The following PLEKHA4 variants were observed in gnomAD, a reference collection of about 807,000 sequenced individuals.
PLEKHA4 encodes the protein pleckstrin homology domain-containing family A member 4.
PLEKHA4 carries 73 observed loss-of-function variants against 94.7 expected under a neutral mutation model. The ratio of observed to expected loss-of-function variants is 0.77; its 90% confidence interval spans 0.64 to 0.94. The LOEUF (loss-of-function observed/expected upper bound fraction) is 0.94, where lower values mean the gene tolerates loss of function less well. Ranked by LOEUF, PLEKHA4 falls within the 40% of genes least tolerant of loss-of-function variation. PLEKHA4 has a pLI of 0.00. For missense variants in PLEKHA4, 1,049 were observed against 1,054.1 expected, an observed-to-expected ratio of 1.00 and a Z score of 0.07; for synonymous variants, 449 against 437.1, an observed-to-expected ratio of 1.03 and a Z score of -0.34.
intron 13 of PLEKHA4, among the ~76,000 whole-genome samples, chr19:48,851,173 ATTGT>A (rs2036170786): frequency 6.6e-6 from 1 of 152,092 alleles, no homozygotes; most frequent in South Asian, 2.1e-4. Flanking sequence ...AGTATAATGG[ATTGT>A]TTGTAACACA....
At position 48,838,125 on chromosome 19, in the gene PLEKHA4, T is replaced by C; in HGVS notation, c.1969A>G (p.Arg657Gly). The change falls in exon 19 of 20, where the codon AGG becomes GGG. Residue 657 changes from arginine (R) to glycine (G), a missense_variant. By Grantham distance (125) the Arg-to-Gly change is moderately radical. Transcript: ENST00000263265. ...GTCGGCAAGTAAGGGGTGGTGTTCC[T>C]TGGACTAGAAAAAAAAAGAAGATTG... ...LRSSGSWSSP[R>G]NTTPYLPTSE... 6.2e-7 allele frequency: 1 copy of C among 1,610,084 alleles called. No individual in the cohort carries two copies. The highest frequency in any genetic ancestry group is 1.1e-5 in the South Asian group (1 of 90,928).
intron 13 of PLEKHA4, among the ~76,000 whole-genome samples, chr19:48,850,172 C>T (rs1250219462): frequency 6.6e-6 from 1 of 151,828 alleles, no homozygotes; most frequent in Non-Finnish European, 1.5e-5. Context: ...CACCACTGCA[C>T]TCCAGCCTGG....
chr19:48,866,401 G>C (rs1192908519), intron 2 of PLEKHA4, among the ~76,000 whole-genome samples: 1 of 152,028 alleles, frequency 6.6e-6, no homozygotes, highest in African/African-American at 2.4e-5. Context: ...CTGCCTCTCG[G>C]GTTCAAGTGA....
In PLEKHA4 at chr19:48,837,252, G is replaced by A; in HGVS notation, c.*37C>T. The A allele has an allele frequency of 1.2e-6, 2 of 1,613,846 alleles. No individual in the cohort carries two copies. Among genetic ancestry groups the A allele is most frequent in the African/African-American group, 1.3e-5 (1 of 75,056 alleles). On this transcript the variant is annotated 3_prime_UTR_variant, in exon 20 of 20. Transcript: ENST00000263265. The surrounding 1 kb of genome is among the most constrained non-coding windows in gnomAD (Gnocchi z 4.3). ...ATCTCCGGCGGTACCTCCAGACCAC[G>A]TCCTCGCGCTCCGATTGGCTGCCGC...
chr19:48,867,628 TG>T lies in PLEKHA4; in HGVS notation c.-6-3del. ...AGGTCGGCTCCCCTCCATCAAGGGC[TG>T]GGGGAGAGAAAGAAAGGGGCTGTGT... On this transcript the variant is annotated splice_region_variant and splice_polypyrimidine_tract_variant and intron_variant, in intron 1 of 19. Coordinates refer to ENST00000263265, the MANE Select transcript of PLEKHA4 (RefSeq NM_020904.3). This position sits in a 1 kb window ranked among gnomAD's most constrained non-coding sequence, Gnocchi z 4.7. The T allele has an allele frequency of 3.2e-6, 5 of 1,585,898 alleles. No homozygotes were observed. Among genetic ancestry groups the T allele is most frequent in the Non-Finnish European group, 4.3e-6 (5 of 1,167,894 alleles).
intron 11 of PLEKHA4, 26 bp from the exon 12 acceptor site, chr19:48,853,857 A>G: frequency 6.3e-7 from 1 of 1,591,694 alleles, no homozygotes; most frequent in Non-Finnish European, 8.6e-7. Context: ...AGGTGGTTAG[A>G]CTTCAGAAGC....
chr19:48,867,565 A>G lies in PLEKHA4; in HGVS notation c.56T>C (p.Ile19Thr). The G allele has an allele frequency of 6.2e-7, 1 of 1,602,340 alleles. No individual in the cohort carries two copies. Among genetic ancestry groups the G allele is most frequent in the Non-Finnish European group, 8.5e-7 (1 of 1,176,718 alleles). Residue 19 changes from isoleucine to threonine, a missense_variant, in exon 2 of 20, where the codon ATC becomes ACC. Coordinates refer to ENST00000263265, the MANE Select transcript of PLEKHA4 (RefSeq NM_020904.3). This position sits in a 1 kb window ranked among gnomAD's most constrained non-coding sequence, Gnocchi z 4.7. ...GGGGCTCAGGCTGCTGAGCGAGGAGATGGTGGAGGCGCTGCTGGCCAGGCT... is the reference window on the plus strand; with the variant it reads ...GGGGCTCAGGCTGCTGAGCGAGGAGGTGGTGGAGGCGCTGCTGGCCAGGCT... Reference protein sequence around the residue: ...SLSLASSASTISSLSSLSPKK... With the variant: ...SLSLASSASTTSSLSSLSPKK...
At chr19:48,865,830 C>T (rs1210890511) in intron 2 of PLEKHA4, among the ~76,000 whole-genome samples, 2 of 151,838 alleles carry the variant, frequency 1.3e-5, no homozygotes, top group South Asian at 2.1e-4. Context: ...CTGGCTAACA[C>T]GGTGAAACCC....
In PLEKHA4 at chr19:48,852,320, C is replaced by T. The variant is rs776834920; in HGVS notation, c.1333G>A (p.Glu445Lys). Reference sequence around the variant, plus strand: ...CCACTGTACGTGTCCCAAACCCTCTCTCGCTCCTCAGGTTGCATAAAGGGG... The same window carrying T: ...CCACTGTACGTGTCCCAAACCCTCTTTCGCTCCTCAGGTTGCATAAAGGGG... ...ATLCHLTQERERVWDTYSGLE... is the reference protein window; with the variant it reads ...ATLCHLTQERKRVWDTYSGLE... The change falls in exon 13 of 20, where the codon GAG becomes AAG. Residue 445 changes from glutamate (E) to lysine (K), a missense_variant. Coordinates refer to ENST00000263265, the MANE Select transcript of PLEKHA4 (RefSeq NM_020904.3). 2 of 1,613,916 alleles carry T rather than the reference C, an allele frequency of 1.2e-6. No individual in the cohort carries two copies. The highest frequency in any genetic ancestry group is 1.3e-5 in the African/African-American group (1 of 75,040).
intron 13 of PLEKHA4, among the ~76,000 whole-genome samples, chr19:48,849,369 C>A (rs531252922): frequency 7.9e-5 from 12 of 151,986 alleles, no homozygotes; most frequent in Non-Finnish European, 1.6e-4. Context: ...AGTGCAGTGT[C>A]ACGATCTCGG....
At chr19:48,841,782 C>T (rs1568534366) in intron 16 of PLEKHA4, among the ~76,000 whole-genome samples, 1 of 151,996 alleles carries the variant, frequency 6.6e-6, no homozygotes, top group Non-Finnish European at 1.5e-5. Flanking sequence ...TAGCAAGACC[C>T]CATCTCTACA....
At chr19:48,859,803 A>G (rs2036568313) in intron 6 of PLEKHA4, 119 bp from the exon 7 acceptor site, 1 of 879,594 alleles carries the variant, frequency 1.1e-6, no homozygotes, top group Non-Finnish European at 1.8e-6. Context: ...ACTATAAATC[A>G]TCGTCCCCCT....
intron 13 of PLEKHA4, among the ~76,000 whole-genome samples, chr19:48,851,373 T>G (rs895866886): frequency 5.9e-5 from 9 of 152,090 alleles, no homozygotes; most frequent in Admixed American, 1.3e-4. Flanking sequence ...TCCCAGCACT[T>G]TGGGAGGCCG....
chr19:48,855,328 G>A (rs2036360547), intron 9 of PLEKHA4, among the ~76,000 whole-genome samples: 1 of 152,130 alleles, frequency 6.6e-6, no homozygotes, highest in African/African-American at 2.4e-5. Context: ...ATAGGGCCGG[G>A]TGCGGTGGCT....
Position 48,847,900 on chromosome 19 carries a change from C to T in PLEKHA4, c.1566G>A (p.Glu522=), listed in dbSNP as rs1272070133. The T allele has an allele frequency of 1.9e-6, 3 of 1,559,370 alleles. No individual in the cohort carries two copies. The highest frequency in any genetic ancestry group is 1.7e-6 in the Non-Finnish European group (2 of 1,153,422). ...VLQGEESSER[E]SLPESLELSS... The stretch of plus-strand genomic sequence containing the variant: ...TGGGGAGGAATTATGTGCGTCTTAC[C>T]TCCCTCTCTGAGGACTCCTCGCCCT... The change falls in exon 14 of 20, where the codon GAG becomes GAA. Residue 522 remains glutamate (E), a splice_region_variant and synonymous_variant. Transcript: ENST00000263265.
chr19:48,865,785 C>T (rs1432527317), intron 2 of PLEKHA4, among the ~76,000 whole-genome samples, 175 bp from the exon 3 acceptor site: 3 of 152,170 alleles, frequency 2.0e-5, no homozygotes, highest in South Asian at 2.1e-4. Context: ...GAGGCTGAGA[C>T]GGGTGGATCA....
Position 48,854,001 on chromosome 19 carries a change from C to T in PLEKHA4, c.1176+6G>A. On this transcript the variant is annotated splice_donor_region_variant and intron_variant, in intron 11 of 19. Transcript: ENST00000263265. ...GGCGCCCTGTCCTTGGCCCAGGGCCCCGCACCTTCTCCTCCTGCTTCTGGT... is the reference window on the plus strand; with the variant it reads ...GGCGCCCTGTCCTTGGCCCAGGGCCTCGCACCTTCTCCTCCTGCTTCTGGT... 6.2e-7 allele frequency: 1 copy of T among 1,614,044 alleles called. No individual in the cohort carries two copies. Among genetic ancestry groups the T allele is most frequent in the Non-Finnish European group, 8.5e-7 (1 of 1,179,954 alleles).
intron 16 of PLEKHA4, among the ~76,000 whole-genome samples, chr19:48,842,306 G>A (rs982298932): frequency 3.9e-5 from 6 of 152,006 alleles, no homozygotes; most frequent in African/African-American, 9.7e-5. Flanking sequence ...CCGCCACCAC[G>A]CCCAGCTAAT....
At chr19:48,845,641 AATG>A (rs1298864124) in intron 14 of PLEKHA4, 25 bp from the exon 15 acceptor site, 1 of 1,442,132 alleles carries the variant, frequency 6.9e-7, no homozygotes. Flanking sequence ...AAAGGGGGAT[AATG>A]ATGATCATTA....
Sources: gnomAD v4.1 joint callset for allele counts (sites outside exome capture counted in the v4.1 genomes callset) on GRCh38, gnomAD v4.1.1 for gene constraint, Gnocchi (gnomAD v3.1) non-coding constraint, MANE v1.5 for transcripts, NCBI Gene and HGNC (gene_info 2026-07-23, HGNC 2026-07-21) for gene names.